QPRT: variants seen among roughly 807,000 people sequenced by gnomAD.
QPRT encodes nicotinate-nucleotide pyrophosphorylase [carboxylating].
In QPRT, 17 loss-of-function variants were observed where a neutral mutation model predicts 19.8. That is an observed-to-expected ratio of 0.86 (90% CI 0.59 to 1.29). QPRT has a LOEUF of 1.29. QPRT is among the 50% of genes most tolerant of loss of function. The pLI is 0.00. For synonymous variants in QPRT, 178 were observed against 191.0 expected (o/e 0.93, Z 0.56); for missense variants, 336 against 405.1 (o/e 0.83, Z 1.46).
chr16:29,689,971 T>G (rs993981987), intron 1 of QPRT, among the ~76,000 whole-genome samples: 1 of 152,128 alleles, frequency 6.6e-6, no homozygotes, highest in South Asian at 2.1e-4. Flanking sequence ...CCCTTCACTA[T>G]CTTGGTGTCT....
chr16:29,689,390 C>T lies in QPRT; in HGVS notation c.14-5274C>T, dbSNP rs151183901. 7.5e-3 allele frequency among the ~76,000 whole-genome samples: 1,141 copies of T among 152,198 alleles called. 13 individuals are homozygous for T. The highest frequency in any genetic ancestry group is 0.026 in the African/African-American group (1,073 of 41,526). On this transcript the variant is annotated intron_variant, in intron 1 of 3. Coordinates refer to ENST00000395384, the MANE Select transcript of QPRT (RefSeq NM_014298.6). ...GATTACGGGCATGAGCCACCATGCC[C>T]GGCCTTAACTTTTATCTTAAGTTCA... is the stretch of plus-strand genomic sequence containing the variant.
intron 1 of QPRT, among the ~76,000 whole-genome samples, chr16:29,688,829 G>A (rs1179015900): frequency 2.0e-5 from 3 of 148,940 alleles, no homozygotes; most frequent in Non-Finnish European, 3.0e-5. Flanking sequence ...TGGCCAGGCT[G>A]GAGTGCAATG....
At chr16:29,687,363 T>C (rs1384389487) in intron 1 of QPRT, among the ~76,000 whole-genome samples, 1 of 152,194 alleles carries the variant, frequency 6.6e-6, no homozygotes, top group African/African-American at 2.4e-5. Flanking sequence ...GTTAGCTTCA[T>C]AGTATGTGAG....
At position 29,694,860 on chromosome 16, in the gene QPRT, AG is replaced by A; in HGVS notation, c.211del (p.Val71SerfsTer98). 6.2e-7 allele frequency: 1 copy of A among 1,614,110 alleles called. No individual in the cohort carries two copies. The highest frequency in any genetic ancestry group is 8.5e-7 in the Non-Finnish European group (1 of 1,179,946). On this transcript the variant is annotated frameshift_variant, in exon 2 of 4. Transcript: ENST00000395384. LOFTEE classifies it high-confidence loss of function. Reference sequence around the variant, plus strand: ...CCATATTTACCCAACTCAACTGCCAAGTCTCCTGGTTCCTCCCCGAGGGATC... The same window carrying A: ...CCATATTTACCCAACTCAACTGCCAATCTCCTGGTTCCTCCCCGAGGGATC... ...DAIFTQLNCQ[V>X]SWFLPEGSKL...
At chr16:29,689,665 G>A (rs1262239130) in intron 1 of QPRT, among the ~76,000 whole-genome samples, 5 of 152,086 alleles carry the variant, frequency 3.3e-5, no homozygotes, top group South Asian at 2.1e-4. Context: ...AGGCCTGGGC[G>A]TGCCTGACCT....
intron 1 of QPRT, among the ~76,000 whole-genome samples, chr16:29,679,859 T>C (rs1966939605): frequency 6.6e-6 from 1 of 151,904 alleles, no homozygotes; most frequent in Non-Finnish European, 1.5e-5. Context: ...GGTGAAACGG[T>C]GAAGGTGGGG....
In QPRT at chr16:29,694,944, G is replaced by A. The variant is rs142650560; in HGVS notation, c.294G>A (p.Leu98=). The change falls in exon 2 of 4, where the codon CTG becomes CTA. Residue 98 remains leucine (L), a synonymous_variant. Transcript: ENST00000395384. ...AEVRGPAHCL[L]LGERVALNTL... is the part of the protein sequence containing the mutation. Reference sequence around the variant, plus strand: ...TCCGGGGCCCTGCCCACTGCCTGCTGCTGGGGGAACGGGTGGCCCTCAACA... The same window carrying A: ...TCCGGGGCCCTGCCCACTGCCTGCTACTGGGGGAACGGGTGGCCCTCAACA... 178 of 1,612,094 alleles carry A rather than the reference G, an allele frequency of 1.1e-4. No homozygotes were observed. The highest frequency in any genetic ancestry group is 1.5e-4 in the Non-Finnish European group (172 of 1,179,760).
intron 1 of QPRT, among the ~76,000 whole-genome samples, chr16:29,684,187 A>C (rs1484608491): frequency 6.6e-6 from 1 of 151,816 alleles, no homozygotes; most frequent in Non-Finnish European, 1.5e-5. Context: ...TGGTGCAATC[A>C]CAGGTCACTG....
At chr16:29,688,195 A>T (rs1967217754) in intron 1 of QPRT, among the ~76,000 whole-genome samples, 1 of 152,102 alleles carries the variant, frequency 6.6e-6, no homozygotes, top group African/African-American at 2.4e-5. Flanking sequence ...TGGATGGGAC[A>T]TTACCATGAG....
intron 1 of QPRT, among the ~76,000 whole-genome samples, chr16:29,690,990 CATCA>C (rs1243317766): frequency 6.6e-6 from 1 of 151,828 alleles, no homozygotes; most frequent in Non-Finnish European, 1.5e-5. Context: ...GCCCAGCCTG[CATCA>C]CAGGTTGTTT....
In QPRT at chr16:29,697,206, A is replaced by G. The variant is rs371151597; in HGVS notation, c.689A>G (p.His230Arg). 58 of 1,609,050 alleles carry G rather than the reference A, an allele frequency of 3.6e-5. No individual in the cohort carries two copies. Among genetic ancestry groups the G allele is most frequent in the Non-Finnish European group, 4.8e-5 (57 of 1,176,752 alleles). The change falls in exon 4 of 4, where the codon CAC (histidine) becomes CGC (arginine). Residue 230 changes from histidine to arginine, a missense_variant. By Grantham distance (29) the His-to-Arg change is conservative (BLOSUM62 0). Coordinates refer to ENST00000395384, the MANE Select transcript of QPRT (RefSeq NM_014298.6). This position sits in a 1 kb window ranked among gnomAD's most constrained non-coding sequence, Gnocchi z 4.4. ...LLDNFKPEEL[H>R]PTATVLKAQF... ...TTGGCTTGTGTCCCGCAGGAGCTGC[A>G]CCCCACGGCCACCGTGCTGAAGGCC... is the stretch of plus-strand genomic sequence containing the variant.
In QPRT at chr16:29,697,103, C is replaced by G. The variant is rs1338841465; in HGVS notation, c.657C>G (p.Val219=). 12 of 1,609,116 alleles carry G rather than the reference C, an allele frequency of 7.5e-6. No homozygotes were observed. The highest frequency in any genetic ancestry group is 1.3e-5 in the African/African-American group (1 of 74,876). Residue 219 remains valine (V), a synonymous_variant, in exon 3 of 4, where the codon GTC becomes GTG. Coordinates refer to ENST00000395384, the MANE Select transcript of QPRT (RefSeq NM_014298.6). This position sits in a 1 kb window ranked among gnomAD's most constrained non-coding sequence, Gnocchi z 4.4. ...VQAAEAGADL[V]LLDNFKPEEL... ...CAGCTGAGGCTGGTGCCGACCTTGT[C>G]CTGCTGGACAACTTCAAGCCAGAGG...
chr16:29,693,266 T>C (rs1482014356), intron 1 of QPRT, among the ~76,000 whole-genome samples: 2 of 152,054 alleles, frequency 1.3e-5, no homozygotes, highest in Non-Finnish European at 2.9e-5. Flanking sequence ...CTTCCCCACC[T>C]CCCCATCATC....
rs775707876 is a variant in QPRT at position 29,696,874 on chromosome 16, G to A, written c.550-122G>A. ...CCGAAGCTTTTCAAATGTCAGTCCC[G>A]GCTCCCCGCGCCCCAGCTGCAGTGC... On this transcript the variant is annotated intron_variant, in intron 2 of 3. Coordinates refer to ENST00000395384, the MANE Select transcript of QPRT (RefSeq NM_014298.6). 5 of 1,205,086 alleles carry A rather than the reference G, an allele frequency of 4.1e-6. No homozygotes were observed. The South Asian group carries it at 6.7e-5, about 16-fold the overall frequency. 74.6% of individuals were successfully genotyped at this position (1,205,086 alleles called of 1,614,324 possible). A position where few individuals can be genotyped will look rare whatever the true frequency, so the allele number is the denominator to read the frequency against.
chr16:29,691,324 C>T (rs1967321363), intron 1 of QPRT, among the ~76,000 whole-genome samples: 2 of 128,956 alleles, frequency 1.6e-5, no homozygotes, highest in African/African-American at 6.0e-5. Context: ...GACATCAGGC[C>T]ACTTCACTCC....
intron 2 of QPRT, 34 bp downstream of exon 2, chr16:29,695,233 C>G: frequency 1.3e-6 from 2 of 1,497,916 alleles, no homozygotes; most frequent in Non-Finnish European, 1.8e-6. Context: ...TCCAACCCCA[C>G]CCTCAGCACA....
chr16:29,685,472 C>T (rs1967134150), intron 1 of QPRT, among the ~76,000 whole-genome samples: 1 of 151,370 alleles, frequency 6.6e-6, no homozygotes, highest in Admixed American at 6.6e-5. Context: ...CCGTCTCAAA[C>T]AAAAAAAAAT....
intron 1 of QPRT, among the ~76,000 whole-genome samples, chr16:29,685,675 A>G (rs1266620172): frequency 6.6e-6 from 1 of 151,978 alleles, no homozygotes; most frequent in Non-Finnish European, 1.5e-5. Context: ...CTTCTGGAGC[A>G]AAACCATAAT....
chr16:29,687,050 A>G (rs2142301543), intron 1 of QPRT, among the ~76,000 whole-genome samples: 1 of 152,310 alleles, frequency 6.6e-6, no homozygotes, highest in South Asian at 2.1e-4. Flanking sequence ...CTTGGCCTGG[A>G]AGCCCCTTCC....
Sources: gnomAD v4.1 joint callset for allele counts (sites outside exome capture counted in the v4.1 genomes callset) on GRCh38, gnomAD v4.1.1 for gene constraint, Gnocchi (gnomAD v3.1) non-coding constraint, MANE v1.5 for transcripts, NCBI Gene and HGNC (gene_info 2026-07-23, HGNC 2026-07-21) for gene names.